MALRD1: variants seen among roughly 807,000 people sequenced by gnomAD.
MALRD1 encodes MAM and LDL receptor class A domain containing 1, also known as MAM and LDL-receptor class A domain-containing protein 1.
MALRD1 carries 247 observed loss-of-function variants against 242.1 expected under a neutral mutation model. The ratio of observed to expected loss-of-function variants is 1.02; its 90% CI spans 0.92 to 1.13. The LOEUF (loss-of-function observed/expected upper bound fraction) is 1.13, where lower values mean the gene tolerates loss of function less well. Among genes scored for constraint, MALRD1 ranks in the 50% most tolerant of loss-of-function variants. The probability of loss-of-function intolerance (pLI) is 0.00; values close to 1 mark genes in which losing one functional copy is unlikely to be tolerated. For missense variants in MALRD1, 2,989 were observed against 2,533.1 expected (o/e 1.18, Z -3.86); for synonymous variants, 995 against 866.6 (o/e 1.15, Z -2.60).
At chr10:19,339,438 G>C (rs1263075650) in intron 24 of MALRD1, among the ~76,000 whole-genome samples, 1 of 152,200 alleles carries the variant, frequency 6.6e-6, no homozygotes, top group South Asian at 2.1e-4. Flanking sequence ...TTGTAATATA[G>C]TTATATACAT....
chr10:19,236,603 A>G (rs549953894), intron 18 of MALRD1, among the ~76,000 whole-genome samples: 1 of 152,260 alleles, frequency 6.6e-6, no homozygotes, highest in Non-Finnish European at 1.5e-5. Context: ...ATAAAATGCC[A>G]ACTTTCTATA....
chr10:19,117,311 C>T (rs1836905319), intron 5 of MALRD1, among the ~76,000 whole-genome samples: 1 of 152,022 alleles, frequency 6.6e-6, no homozygotes, highest in African/African-American at 2.4e-5. Context: ...TTGTAAATTC[C>T]AGTTTTCAGG....
At chr10:19,211,684 C>CAAAAAAAAAAAAAAA (rs71387056) in intron 18 of MALRD1, among the ~76,000 whole-genome samples, 1 of 67,324 alleles carries the variant, frequency 1.5e-5, no homozygotes, top group African/African-American at 6.2e-5. Context: ...TGACTCCTCA[C>CAAAAAAAAAAAAAAA]AAAAAAAAAA....
At chr10:19,470,679 A>G (rs1836447906) in intron 29 of MALRD1, among the ~76,000 whole-genome samples, 1 of 151,948 alleles carries the variant, frequency 6.6e-6, no homozygotes, top group African/African-American at 2.4e-5. Flanking sequence ...TCTAATGATT[A>G]GTGATATTGT....
chr10:19,110,880 G>C (rs972046686), intron 5 of MALRD1, among the ~76,000 whole-genome samples: 1 of 152,112 alleles, frequency 6.6e-6, no homozygotes, highest in Non-Finnish European at 1.5e-5. Flanking sequence ...ACATTCAAAG[G>C]AGAAAAAGGC....
At chr10:19,485,986 T>C (rs763549559) in intron 29 of MALRD1, among the ~76,000 whole-genome samples, 4 of 152,052 alleles carry the variant, frequency 2.6e-5, no homozygotes, top group Non-Finnish European at 5.9e-5. Context: ...ATGATAAATA[T>C]AAAGGTAGAG....
chr10:19,529,593 A>G (rs1834256957), intron 31 of MALRD1, among the ~76,000 whole-genome samples: 1 of 152,078 alleles, frequency 6.6e-6, no homozygotes. Flanking sequence ...TATTGAATAC[A>G]AAATGAAGAC....
intron 2 of MALRD1, among the ~76,000 whole-genome samples, chr10:19,076,857 G>A (rs946254839): frequency 2.6e-5 from 4 of 151,894 alleles, no homozygotes; most frequent in Non-Finnish European, 4.4e-5. Context: ...GAGAGGAATT[G>A]CATTGAATTG....
At chr10:19,317,863 A>T (rs1354727882) in intron 21 of MALRD1, among the ~76,000 whole-genome samples, 2 of 152,026 alleles carry the variant, frequency 1.3e-5, no homozygotes, top group Non-Finnish European at 2.9e-5. Flanking sequence ...CTTTTTATGT[A>T]ATGACTTTTA....
chr10:19,617,650 A>G (rs555871428), intron 36 of MALRD1, among the ~76,000 whole-genome samples: 3 of 152,142 alleles, frequency 2.0e-5, no homozygotes, highest in South Asian at 2.1e-4. Flanking sequence ...TTGACACTCA[A>G]ATCCTACACT....
chr10:19,501,046 G>A (rs1001009748), intron 31 of MALRD1, among the ~76,000 whole-genome samples: 1 of 152,174 alleles, frequency 6.6e-6, no homozygotes, highest in African/African-American at 2.4e-5. Context: ...CCAGTAGATA[G>A]GTATGTGCCT....
intron 39 of MALRD1, among the ~76,000 whole-genome samples, chr10:19,731,042 A>G (rs955685566): frequency 3.9e-5 from 6 of 152,214 alleles, no homozygotes; most frequent in South Asian, 2.1e-4. Context: ...GTCACTATTT[A>G]TACTCAAAAA....
At chr10:19,622,320 C>G (rs1056065662) in intron 36 of MALRD1, among the ~76,000 whole-genome samples, 1 of 151,398 alleles carries the variant, frequency 6.6e-6, no homozygotes, top group South Asian at 2.1e-4. Context: ...GATTAATAGT[C>G]TACATACATA....
chr10:19,593,444 A>G (rs1326524090), intron 33 of MALRD1, among the ~76,000 whole-genome samples: 1 of 152,194 alleles, frequency 6.6e-6, no homozygotes, highest in African/African-American at 2.4e-5. Context: ...TGAATTTGCT[A>G]TATCATCTTT....
At chr10:19,326,105 A>G (rs544497295) in intron 22 of MALRD1, among the ~76,000 whole-genome samples, 38 of 152,278 alleles carry the variant, frequency 2.5e-4, no homozygotes, top group Non-Finnish European at 4.6e-4. Context: ...GTATACACGC[A>G]TGGTTATGTT....
At chr10:19,623,935 T>C (rs1282865332) in intron 36 of MALRD1, among the ~76,000 whole-genome samples, 1 of 151,980 alleles carries the variant, frequency 6.6e-6, no homozygotes, top group East Asian at 1.9e-4. Flanking sequence ...TGCATAAATA[T>C]ATGAAAAAAA....
At chr10:19,258,038 T>C (rs2131808929) in intron 19 of MALRD1, among the ~76,000 whole-genome samples, 1 of 152,296 alleles carries the variant, frequency 6.6e-6, no homozygotes, top group East Asian at 1.9e-4. Flanking sequence ...GAAGTTAAAA[T>C]GTAATTCCAT....
intron 36 of MALRD1, among the ~76,000 whole-genome samples, chr10:19,669,141 G>A (rs1215414987): frequency 2.0e-5 from 3 of 152,216 alleles, no homozygotes; most frequent in South Asian, 2.1e-4. Context: ...TTAGAAACTG[G>A]AAGATGATAG....
At chr10:19,597,697 CA>C (rs1838164667) in intron 34 of MALRD1, among the ~76,000 whole-genome samples, 1 of 152,106 alleles carries the variant, frequency 6.6e-6, no homozygotes, top group East Asian at 1.9e-4. Flanking sequence ...ATGTGCTATA[CA>C]TTAGTGAAGG....
Sources: allele counts gnomAD v4.1 joint callset (sites outside exome capture counted in the v4.1 genomes callset), GRCh38; gene constraint gnomAD v4.1.1; transcripts MANE v1.5; gene names NCBI Gene and HGNC (gene_info 2026-07-23, HGNC 2026-07-21).